ZNF888: variants seen among roughly 807,000 people sequenced by gnomAD.
ZNF888 encodes zinc finger protein 888.
ZNF888 carries 5 observed loss-of-function variants against 7.2 expected under a neutral mutation model. The ratio of observed to expected loss-of-function variants is 0.70; its 90% confidence interval spans 0.36 to 1.46. The LOEUF is 1.46. Among genes scored for constraint, ZNF888 ranks in the 40% most tolerant of loss-of-function variants. ZNF888 has a pLI of 0.03. For synonymous variants in ZNF888, 240 were observed against 284.3 expected, an observed-to-expected ratio of 0.84 and a Z score of 1.57; for missense variants, 716 against 858.0, an observed-to-expected ratio of 0.83 and a Z score of 2.07.
chr19:52,919,932 C>T (rs1310730515), intron 1 of ZNF888, among the ~76,000 whole-genome samples: 9 of 60,102 alleles, frequency 1.5e-4, no homozygotes, highest in South Asian at 4.9e-4. Context: ...GCAGCCACCC[C>T]GTCTGGGAAG....
rs2064619331 is a variant in ZNF888 at position 52,907,099 on chromosome 19, T to C, written c.1223A>G (p.Lys408Arg). Residue 408 changes from lysine to arginine, a missense_variant, in exon 5 of 5, where the codon AAA becomes AGA. This residue lies in a region of ZNF888 where 697 missense variants were observed against 803.4 expected (regional missense o/e 0.87). Transcript: ENST00000638862. ...AQHIVIHTRE[K>R]PYKCNECGKT... ...GCCACACTCATTACACTTGTAAGGT[T>C]TCTCTCTAGTGTGAATTACAATATG... The C allele has an allele frequency of 6.2e-7, 1 of 1,612,248 alleles. No homozygotes were observed. Among genetic ancestry groups the C allele is most frequent in the South Asian group, 1.1e-5 (1 of 90,996 alleles).
Position 52,907,896 on chromosome 19 carries a change from G to T in ZNF888, c.426C>A (p.Ser142Arg). Reference protein sequence around the residue: ...NKPIKYQLGSSFHSHLPELHI... With the variant: ...NKPIKYQLGSRFHSHLPELHI... ...GCAGTTCAGGCAGATGTGAATGAAA[G>T]CTTGATCCAAGCTGATATTTAATAG... Residue 142 changes from serine (S) to arginine (R), a missense_variant, in exon 5 of 5, where the codon AGC (serine) becomes AGA (arginine). Coordinates refer to ENST00000638862, the MANE Select transcript of ZNF888 (RefSeq NM_001393938.1). The T allele has an allele frequency of 6.2e-7, 1 of 1,614,124 alleles. No individual in the cohort carries two copies. Among genetic ancestry groups the T allele is most frequent in the South Asian group, 1.1e-5 (1 of 91,068 alleles).
chr19:52,917,575 C>G (rs377522037), intron 3 of ZNF888, among the ~76,000 whole-genome samples: 1 of 152,128 alleles, frequency 6.6e-6, no homozygotes, highest in Non-Finnish European at 1.5e-5. Context: ...CAATCCCTGC[C>G]GCCCAACACC....
Position 52,907,101 on chromosome 19 carries a change from C to A in ZNF888, c.1221G>T (p.Glu407Asp), listed in dbSNP as rs186470002. The A allele has an allele frequency of 6.2e-7, 1 of 1,609,692 alleles. No individual in the cohort carries two copies. Among genetic ancestry groups the A allele is most frequent in the Admixed American group, 1.7e-5 (1 of 59,532 alleles). ...CACACTCATTACACTTGTAAGGTTTCTCTCTAGTGTGAATTACAATATGCT... is the reference window on the plus strand; with the variant it reads ...CACACTCATTACACTTGTAAGGTTTATCTCTAGTGTGAATTACAATATGCT... ...LAQHIVIHTREKPYKCNECGK... is the reference protein window; with the variant it reads ...LAQHIVIHTRDKPYKCNECGK... The change falls in exon 5 of 5, where the codon GAG becomes GAT. Residue 407 changes from glutamate (E) to aspartate (D), a missense_variant. Physicochemically the swap from Glu to Asp is conservative, Grantham distance 45. Around this residue, in one of 2 missense-constraint regions of ZNF888, gnomAD observed 697 missense variants for 803.4 expected, o/e 0.87. Transcript: ENST00000638862.
chr19:52,918,977 TC>T (rs1568748819), intron 1 of ZNF888, 40 bp from the exon 2 acceptor site: 1 of 4 alleles, frequency 0.25, no homozygotes, highest in Non-Finnish European at 0.5. Context: ...TCCCTCCCCC[TC>T]CCTCTCCCTC....
In ZNF888 at chr19:52,915,402, A is replaced by G. The variant is rs573356046; in HGVS notation, c.16-80T>C. On this transcript the variant is annotated intron_variant, in intron 3 of 4. Coordinates refer to ENST00000638862, the MANE Select transcript of ZNF888 (RefSeq NM_001393938.1). ...CAGAAAATGAGAAGAAGAGAGGGGA[A>G]AGCATGGATTTAATTGTAGTGAATG... 3.1e-4 allele frequency: 501 copies of G among 1,612,096 alleles called. 2 individuals carry two copies. Among genetic ancestry groups the G allele is most frequent in the Non-Finnish European group, 3.9e-4 (462 of 1,179,388 alleles).
chr19:52,918,042 T>C (rs2064771545), intron 2 of ZNF888, 111 bp from the exon 3 acceptor site: 1 of 1,471,558 alleles, frequency 6.8e-7, no homozygotes, highest in South Asian at 1.4e-5. Flanking sequence ...CCCTGGGAAA[T>C]ATGGTCCACT....
intron 1 of ZNF888, among the ~76,000 whole-genome samples, chr19:52,922,359 T>C (rs765083463): frequency 7.2e-5 from 11 of 152,066 alleles, no homozygotes; most frequent in African/African-American, 2.2e-4. Context: ...GTGTCCTCCC[T>C]GCTGTGGTTC....
chr19:52,906,347 C>T lies in ZNF888; in HGVS notation c.1975G>A (p.Glu659Lys), dbSNP rs955710460. The change falls in exon 5 of 5, where the codon GAG becomes AAG. Residue 659 changes from glutamate (E) to lysine (K), a missense_variant. Physicochemically the swap from Glu to Lys is moderately conservative, Grantham distance 56. Around this residue, in one of 2 missense-constraint regions of ZNF888, gnomAD observed 697 missense variants for 803.4 expected, o/e 0.87. Transcript: ENST00000638862. ...LAQHQRVHTG[E>K]KPYKCKVCDK... ...CAAACCTTACATTTGTATGGTTTCT[C>T]TCCAGTGTGAACTCTCTGATGTTGT... is the stretch of plus-strand genomic sequence containing the variant. 3.7e-6 allele frequency: 6 copies of T among 1,613,796 alleles called. No homozygotes were observed. The highest frequency in any genetic ancestry group is 5.1e-6 in the Non-Finnish European group (6 of 1,179,874).
intron 4 of ZNF888, chr19:52,913,595 A>G (rs2064711274): frequency 2.1e-6 from 1 of 474,194 alleles, no homozygotes; most frequent in African/African-American, 2.1e-5. Context: ...AAGTCCTGGG[A>G]TTATAGGCGT....
intron 1 of ZNF888, among the ~76,000 whole-genome samples, chr19:52,919,637 C>T (rs2064798212): frequency 1.5e-5 from 1 of 67,842 alleles, no homozygotes; most frequent in East Asian, 3.2e-4. Flanking sequence ...AAGTGAGGAG[C>T]GTCTCTGCCC....
rs1190074599 is a variant in ZNF888 at position 52,915,183 on chromosome 19, A to C, written c.142+13T>G. 1.3e-6 allele frequency: 2 copies of C among 1,530,152 alleles called. No homozygotes were observed. The highest frequency in any genetic ancestry group is 1.7e-6 in the Non-Finnish European group (2 of 1,144,352). The allele number at this position is 1,530,152 out of a possible 1,614,324, so 94.8% of individuals were successfully genotyped here. On this transcript the variant is annotated intron_variant, in intron 4 of 4. Transcript: ENST00000638862. ...CCACAAGGGAACATCCCCAGGAAGG[A>C]AGTTATCCTCACCCAGGGAGACCAG...
In ZNF888 at chr19:52,906,334, T is replaced by C. The variant is rs1036517741; in HGVS notation, c.1988A>G (p.Lys663Arg). 3.1e-6 allele frequency: 5 copies of C among 1,613,658 alleles called. No homozygotes were observed. In the African/African-American group the frequency reaches 6.7e-5, roughly 22 times the overall value. ...GAAAGCCTTGTCACAAACCTTACAT[T>C]TGTATGGTTTCTCTCCAGTGTGAAC... ...QRVHTGEKPY[K>R]CKVCDKAFKC... Residue 663 changes from lysine to arginine, a missense_variant, in exon 5 of 5, where the codon AAA becomes AGA. Physicochemically the swap from Lys to Arg is conservative, Grantham distance 26. Around this residue, in one of 2 missense-constraint regions of ZNF888, gnomAD observed 697 missense variants for 803.4 expected, o/e 0.87. Coordinates refer to ENST00000638862, the MANE Select transcript of ZNF888 (RefSeq NM_001393938.1).
chr19:52,923,031 G>T (rs1301237392), intron 1 of ZNF888, among the ~76,000 whole-genome samples: 1 of 152,178 alleles, frequency 6.6e-6, no homozygotes, highest in South Asian at 2.1e-4. Context: ...GCCGACGAGG[G>T]TGAGGCTGGG....
In ZNF888 at chr19:52,906,782, C is replaced by CTA. The variant is rs2064613977; in HGVS notation, c.1539_1540insTA (p.Val514Ter). ...TAAGGTTTCTCTCCAGTGTGAATTA[C>CTA]AGTATGTTGTGCCAGGTGTGAATCA... On this transcript the variant is annotated frameshift_variant, in exon 5 of 5. Transcript: ENST00000638862. LOFTEE classifies it low-confidence loss of function (END_TRUNC). 6.2e-7 allele frequency: 1 copy of CTA among 1,609,228 alleles called. No homozygotes were observed. Among genetic ancestry groups the CTA allele is most frequent in the Non-Finnish European group, 8.5e-7 (1 of 1,177,328 alleles).
intron 4 of ZNF888, among the ~76,000 whole-genome samples, chr19:52,913,369 GCCTGGAGTGCAATGGTGCGAT>G (rs914488069): frequency 5.7e-5 from 7 of 121,852 alleles, no homozygotes; most frequent in African/African-American, 6.4e-5. Context: ...CTGTCACCCA[GCCTGGAGTGCAATGGTGCGAT>G]CCTGGCTCAC....
At position 52,907,344 on chromosome 19, in the gene ZNF888, G is replaced by T. The variant is rs933293404; in HGVS notation, c.978C>A (p.Tyr326Ter). ...AAACCTTGCCACATTCATTACACTTGTAAGGTTTCTCTCCAGTATGAATTG... is the reference window on the plus strand; with the variant it reads ...AAACCTTGCCACATTCATTACACTTTTAAGGTTTCTCTCCAGTATGAATTG... ...HKTIHTGEKPYKCNECGKVFN... is the reference protein window; with the variant it reads ...HKTIHTGEKP Residue 326 changes from tyrosine to a stop codon, truncating the protein, a stop_gained, in exon 5 of 5, where the codon TAC becomes TAA. Transcript: ENST00000638862. LOFTEE classifies it low-confidence loss of function (END_TRUNC). The T allele has an allele frequency of 6.2e-6, 10 of 1,613,542 alleles. No individual in the cohort carries two copies. The highest frequency in any genetic ancestry group is 6.8e-6 in the Non-Finnish European group (8 of 1,179,804).
chr19:52,906,728 C>T lies in ZNF888; in HGVS notation c.1594G>A (p.Val532Ile), dbSNP rs918410076. Residue 532 changes from valine (V) to isoleucine (I), a missense_variant, in exon 5 of 5, where the codon GTT becomes ATT. Coordinates refer to ENST00000638862, the MANE Select transcript of ZNF888 (RefSeq NM_001393938.1). ...YKCNECGKTF[V>I]QNSSLVMHKV... ...TGCATTACAAGAGATGAATTTTGAA[C>T]GAAGGTCTTGCCACACTCATTACAC... 4.6e-5 allele frequency: 74 copies of T among 1,607,386 alleles called. No individual in the cohort carries two copies. The highest frequency in any genetic ancestry group is 1.7e-4 in the Middle Eastern group (1 of 6,054).
intron 4 of ZNF888, among the ~76,000 whole-genome samples, chr19:52,913,343 G>A (rs1392451126): frequency 6.6e-5 from 1 of 15,154 alleles, no homozygotes; most frequent in African/African-American, 2.4e-4. Context: ...TTTTTTTTTT[G>A]AGATGGAGTC....
Sources: gnomAD v4.1 joint callset for allele counts (sites outside exome capture counted in the v4.1 genomes callset) on GRCh38, gnomAD v4.1.1 for gene constraint, gnomAD v4.1.1 regional missense constraint, MANE v1.5 for transcripts, NCBI Gene and HGNC (gene_info 2026-07-23, HGNC 2026-07-21) for gene names.